ACTA2: variants seen among roughly 807,000 people sequenced by gnomAD.
ACTA2 encodes the protein actin, aortic smooth muscle.
In ACTA2, 12 loss-of-function variants were observed where a neutral mutation model predicts 39.5. That is an observed-to-expected ratio of 0.30 (90% CI 0.19 to 0.49). The LOEUF (loss-of-function observed/expected upper bound fraction) is 0.49. ACTA2 is among the 20% of genes least tolerant of loss of function. The pLI, the probability that ACTA2 is intolerant of heterozygous loss-of-function variation, is 0.99. For missense variants in ACTA2, 236 were observed against 498.8 expected, an observed-to-expected ratio of 0.47 and a Z score of 5.02; for synonymous variants, 158 against 180.6, an observed-to-expected ratio of 0.88 and a Z score of 1.00.
intron 1 of ACTA2, among the ~76,000 whole-genome samples, chr10:88,950,115 AG>A (rs1490745454): frequency 6.6e-6 from 1 of 152,202 alleles, no homozygotes; most frequent in Non-Finnish European, 1.5e-5. Context: ...TGATTGCTCA[AG>A]GGCACACAGG....
At chr10:88,963,869 T>A (rs1846277180) in intron 1 of ACTA2, among the ~76,000 whole-genome samples, 2 of 152,158 alleles carry the variant, frequency 1.3e-5, no homozygotes, top group African/African-American at 4.8e-5. Flanking sequence ...AAACTTGTCT[T>A]TTTTTCTGCA....
At position 88,950,669 on chromosome 10, in the gene ACTA2, T is replaced by A. The variant is rs768971317; in HGVS notation, c.-23-1716A>T. 1.4e-4 allele frequency among the ~76,000 whole-genome samples: 21 copies of A among 152,314 alleles called. No homozygotes were observed. In the East Asian group the frequency reaches 3.7e-3, roughly 27 times the overall value. On this transcript the variant is annotated intron_variant, in intron 1 of 8. Transcript: ENST00000224784. ...GGACAACGAAGATTTCAGATCACAG[T>A]GATTATGAGCTTAGACTCTGAAGTC... is the stretch of plus-strand genomic sequence containing the variant.
chr10:88,938,410 A>G (rs1440834248), intron 7 of ACTA2, 168 bp from the exon 8 acceptor site: 3 of 723,814 alleles, frequency 4.1e-6, no homozygotes, highest in African/African-American at 3.5e-5. Context: ...GTTATGCTCT[A>G]TGTCTTCCTG....
chr10:88,965,356 G>A (rs1846300960), intron 1 of ACTA2, among the ~76,000 whole-genome samples: 1 of 152,146 alleles, frequency 6.6e-6, no homozygotes, highest in African/African-American at 2.4e-5. Flanking sequence ...AGAGCTGTCT[G>A]CAATGACCAT....
intron 1 of ACTA2, among the ~76,000 whole-genome samples, chr10:88,987,960 A>C (rs77798678): frequency 6.6e-6 from 1 of 152,152 alleles, no homozygotes; most frequent in Non-Finnish European, 1.5e-5. Flanking sequence ...AAAAAAAAAA[A>C]GACTGACTTC....
chr10:88,958,836 G>A (rs556903684), intron 1 of ACTA2, among the ~76,000 whole-genome samples: 14 of 152,232 alleles, frequency 9.2e-5, no homozygotes, highest in African/African-American at 2.4e-4. Context: ...TGGTGTACCC[G>A]ACGGGTTTCC....
At chr10:88,962,959 A>G (rs1846257800) in intron 1 of ACTA2, among the ~76,000 whole-genome samples, 1 of 34,104 alleles carries the variant, frequency 2.9e-5, no homozygotes, top group South Asian at 6.6e-4. Context: ...ATATATATAT[A>G]TATATATATA....
chr10:88,948,644 GA>G, intron 2 of ACTA2, 157 bp downstream of exon 2: 1 of 945,582 alleles, frequency 1.1e-6, no homozygotes, highest in South Asian at 1.4e-5. Context: ...CATTATATGT[GA>G]AATTGGCATT....
At chr10:88,975,319 G>A (rs1011701254) in intron 1 of ACTA2, among the ~76,000 whole-genome samples, 11 of 152,338 alleles carry the variant, frequency 7.2e-5, no homozygotes, top group East Asian at 1.9e-4. Flanking sequence ...ACAGAGCAGC[G>A]TGTGCATTTG....
At chr10:88,943,945 T>G (rs1000314216) in intron 3 of ACTA2, 38 bp from the exon 4 acceptor site, 2 of 1,585,640 alleles carry the variant, frequency 1.3e-6, no homozygotes, top group Non-Finnish European at 1.7e-6. Flanking sequence ...CACAATGATG[T>G]GCTGTCATGA....
Position 88,990,729 on chromosome 10 carries a change from G to T in ACTA2, c.-24+210C>A. ...AAGCGGTTTACGAGTGACTTGGCTGGAGCCTCAGGGGCGGGCACTGGCACG... is the reference window on the plus strand; with the variant it reads ...AAGCGGTTTACGAGTGACTTGGCTGTAGCCTCAGGGGCGGGCACTGGCACG... On this transcript the variant is annotated intron_variant, in intron 1 of 4. Coordinates refer to the ACTA2 transcript ENST00000415557. The surrounding 1 kb of genome is among the most constrained non-coding windows in gnomAD (Gnocchi z 4.9). 1.1e-6 allele frequency: 1 copy of T among 906,324 alleles called. No homozygotes were observed. Among genetic ancestry groups the T allele is most frequent in the South Asian group, 1.4e-5 (1 of 73,348 alleles). The allele number at this position is 906,324 out of a possible 1,614,324, so 56.1% of individuals were successfully genotyped here. A position where few individuals can be genotyped will look rare whatever the true frequency, so the allele number is the denominator to read the frequency against.
Position 88,947,367 on chromosome 10 carries a change from C to T in ACTA2, c.149G>A (p.Gly50Glu). The change falls in exon 3 of 9, where the codon GGA (glycine) becomes GAA (glutamate). Residue 50 changes from glycine (G) to glutamate (E), a missense_variant. Transcript: ENST00000224784. ...PRHQGVMVGM[G>E]QKDSYVGDEA... Reference sequence around the variant, plus strand: ...GTCACCCACGTAGCTGTCTTTTTGTCCCATTCCCACCATCACCCCCTAAAA... The same window carrying T: ...GTCACCCACGTAGCTGTCTTTTTGTTCCATTCCCACCATCACCCCCTAAAA... 1 of 1,613,946 alleles carries T rather than the reference C, an allele frequency of 6.2e-7. No homozygotes were observed. Among genetic ancestry groups the T allele is most frequent in the Non-Finnish European group, 8.5e-7 (1 of 1,179,890 alleles).
chr10:88,958,960 G>C (rs892295424), intron 1 of ACTA2, among the ~76,000 whole-genome samples: 1 of 152,154 alleles, frequency 6.6e-6, no homozygotes, highest in Non-Finnish European at 1.5e-5. Context: ...AGCCTGTCCT[G>C]TATATTACTC....
chr10:88,945,808 G>T (rs1845936219), intron 3 of ACTA2, among the ~76,000 whole-genome samples: 1 of 152,130 alleles, frequency 6.6e-6, no homozygotes, highest in African/African-American at 2.4e-5. Context: ...TAGATGTTTA[G>T]AGTGAGTTAA....
intron 1 of ACTA2, among the ~76,000 whole-genome samples, chr10:88,977,138 C>G (rs1341899664): frequency 6.6e-6 from 1 of 152,014 alleles, no homozygotes; most frequent in Non-Finnish European, 1.5e-5. Flanking sequence ...ATGGTAGTTT[C>G]TTTTGCTGTG....
In ACTA2 at chr10:88,949,041, G is replaced by A. The variant is rs1021405337; in HGVS notation, c.-23-88C>T. 5 of 1,349,668 alleles carry A rather than the reference G, an allele frequency of 3.7e-6. No homozygotes were observed. The African/African-American group carries it at 5.7e-5, about 16-fold the overall frequency. The allele number at this position is 1,349,668 out of a possible 1,614,324, so 83.6% of individuals were successfully genotyped here. ...AACTCCCACCTCCAAGGCTGGGTTT[G>A]GGGGCCCTCCTCTGTGTCCTAGTGC... is the stretch of plus-strand genomic sequence containing the variant. On this transcript the variant is annotated intron_variant, in intron 1 of 8. Transcript: ENST00000224784.
intron 1 of ACTA2, among the ~76,000 whole-genome samples, chr10:88,971,681 A>G (rs1846450626): frequency 6.6e-6 from 1 of 152,152 alleles, no homozygotes; most frequent in African/African-American, 2.4e-5. Flanking sequence ...CTAATAGGAC[A>G]CGTGTAAGAC....
intron 1 of ACTA2, among the ~76,000 whole-genome samples, chr10:88,958,514 G>C (rs1394000719): frequency 6.6e-6 from 1 of 152,166 alleles, no homozygotes; most frequent in African/African-American, 2.4e-5. Flanking sequence ...TTCAAACCCA[G>C]ACCCATCTGA....
In ACTA2 at chr10:88,978,170, A is replaced by G. The variant is rs879558842; in HGVS notation, c.-24+12769T>C. Among the ~76,000 whole-genome samples the G allele has an allele frequency of 1.0e-4, 13 of 123,832 alleles. No individual in the cohort carries two copies. The Admixed American group carries it at 1.1e-3, about 10-fold the overall frequency. The allele number at this position is 123,832 out of a possible 152,430, so 81.2% of individuals were successfully genotyped here. A position where few individuals can be genotyped will look rare whatever the true frequency, so the allele number is the denominator to read the frequency against. On this transcript the variant is annotated intron_variant, in intron 1 of 4. Coordinates refer to the ACTA2 transcript ENST00000415557. Reference sequence around the variant, plus strand: ...AAGAACAAAAAACCAAACACCGCATATTCTCACTCATAGGTGGGAATTGAA... The same window carrying G: ...AAGAACAAAAAACCAAACACCGCATGTTCTCACTCATAGGTGGGAATTGAA...
Sources: gnomAD v4.1 joint callset for allele counts (sites outside exome capture counted in the v4.1 genomes callset) on GRCh38, gnomAD v4.1.1 for gene constraint, Gnocchi (gnomAD v3.1) non-coding constraint, MANE v1.5 for transcripts, NCBI Gene and HGNC (gene_info 2026-07-23, HGNC 2026-07-21) for gene names.